Variants in ALDH3A2 observed in about 807,000 individuals in gnomAD.
The protein encoded by ALDH3A2 is aldehyde dehydrogenase family 3 member A2.
In ALDH3A2, 36 loss-of-function variants were observed where a neutral mutation model predicts 51.3. That is an observed-to-expected ratio of 0.70 (90% confidence interval 0.54 to 0.93). The LOEUF (loss-of-function observed/expected upper bound fraction) is 0.93. ALDH3A2 is among the 40% of genes least tolerant of loss of function. ALDH3A2 has a pLI of 0.00. For missense variants in ALDH3A2, 552 were observed against 603.1 expected, an observed-to-expected ratio of 0.92 and a Z score of 0.89; for synonymous variants, 199 against 219.8, an observed-to-expected ratio of 0.91 and a Z score of 0.84.
At chr17:19,651,879 T>G (rs986108139) in intron 2 of ALDH3A2, 101 bp downstream of exon 2, 2 of 1,116,470 alleles carry the variant, frequency 1.8e-6, no homozygotes, top group Admixed American at 3.6e-5. Context: ...ATTTACTTGG[T>G]GATTTGCCTT....
intron 8 of ALDH3A2, 137 bp downstream of exon 8, chr17:19,665,184 C>A: frequency 1.3e-6 from 1 of 778,330 alleles, no homozygotes; most frequent in South Asian, 1.5e-5. Flanking sequence ...TTTTCCTGGT[C>A]ACCCAGTTGA....
At chr17:19,659,165 A>G (rs1247752793) in intron 5 of ALDH3A2, among the ~76,000 whole-genome samples, 3 of 152,064 alleles carry the variant, frequency 2.0e-5, no homozygotes, top group Non-Finnish European at 4.4e-5. Flanking sequence ...CGGGAGGTGG[A>G]GCTTGCAGTG....
Position 19,677,192 on chromosome 17 carries a change from C to T in ALDH3A2, c.*1620C>T, listed in dbSNP as rs1220540007. 2 of 152,242 alleles carry T rather than the reference C, an allele frequency of 1.3e-5. No individual in the cohort carries two copies. Among genetic ancestry groups the T allele is most frequent in the Non-Finnish European group, 2.9e-5 (2 of 68,044 alleles). 9.4% of individuals were successfully genotyped at this position (152,242 alleles called of 1,614,324 possible). On this transcript the variant is annotated 3_prime_UTR_variant, in exon 10 of 10. Transcript: ENST00000176643. ...TGTCCCCACACTCAAAAAGACTCAG[C>T]TCACTCAATGAGAGAATGTGATTTA... is the stretch of plus-strand genomic sequence containing the variant.
Position 19,649,008 on chromosome 17 carries a change from C to T in ALDH3A2, c.37C>T (p.Leu13=), listed in dbSNP as rs762944599. ...AGTCCGGCGGGTCCGACAGGCGTTCCTGTCCGGCCGGTCGCGACCTCTGCG... is the reference window on the plus strand; with the variant it reads ...AGTCCGGCGGGTCCGACAGGCGTTCTTGTCCGGCCGGTCGCGACCTCTGCG... ...LEVRRVRQAF[L]SGRSRPLRFR... is the part of the protein sequence containing the mutation. The change falls in exon 1 of 10, where the codon CTG becomes TTG. Residue 13 remains leucine (L), a synonymous_variant. Coordinates refer to ENST00000176643, the MANE Select transcript of ALDH3A2 (RefSeq NM_000382.3). The T allele has an allele frequency of 1.3e-6, 2 of 1,584,514 alleles. No individual in the cohort carries two copies. The highest frequency in any genetic ancestry group is 1.7e-6 in the Non-Finnish European group (2 of 1,165,972).
At chr17:19,673,279 G>A (rs2085143217) in intron 9 of ALDH3A2, 1 of 1,613,652 alleles carries the variant, frequency 6.2e-7, no homozygotes, top group Non-Finnish European at 8.5e-7. Flanking sequence ...GAGTGAGGTA[G>A]GAACTTTTTG....
At position 19,649,084 on chromosome 17, in the gene ALDH3A2, A is replaced by G; in HGVS notation, c.113A>G (p.Glu38Gly). 2 of 1,583,466 alleles carry G rather than the reference A, an allele frequency of 1.3e-6. No homozygotes were observed. The highest frequency in any genetic ancestry group is 1.7e-6 in the Non-Finnish European group (2 of 1,165,434). Reference protein sequence around the residue: ...EALRRMVQEREKDILTAIAAD... With the variant: ...EALRRMVQERGKDILTAIAAD... Reference sequence around the variant, plus strand: ...CTGCGGAGGATGGTGCAGGAGCGCGAGAAGGATATCCTGACGGCCATCGCC... The same window carrying G: ...CTGCGGAGGATGGTGCAGGAGCGCGGGAAGGATATCCTGACGGCCATCGCC... Residue 38 changes from glutamate (E) to glycine (G), a missense_variant, in exon 1 of 10, where the codon GAG (glutamate) becomes GGG (glycine). By Grantham distance (98) the Glu-to-Gly change is moderately conservative (BLOSUM62 -2). Coordinates refer to ENST00000176643, the MANE Select transcript of ALDH3A2 (RefSeq NM_000382.3).
At chr17:19,657,198 G>T (rs2084908541) in intron 4 of ALDH3A2, among the ~76,000 whole-genome samples, 1 of 152,194 alleles carries the variant, frequency 6.6e-6, no homozygotes, top group African/African-American at 2.4e-5. Context: ...AAATCCATTT[G>T]TCAAAACCAG....
chr17:19,648,755 C>T lies in ALDH3A2; in HGVS notation c.-217C>T, dbSNP rs1489821271. On this transcript the variant is annotated 5_prime_UTR_variant, in exon 1 of 10. Transcript: ENST00000176643. ...GTGAGGCTTTGGGTCGAGCTCAGTC[C>T]TCCCCCGGCGCCTCCGACTGGCAGT... 10 of 638,168 alleles carry T rather than the reference C, an allele frequency of 1.6e-5. No individual in the cohort carries two copies. Among genetic ancestry groups the T allele is most frequent in the South Asian group, 1.5e-4 (8 of 52,554 alleles). The allele number at this position is 638,168 out of a possible 1,614,324, so 39.5% of individuals were successfully genotyped here.
At chr17:19,660,821 G>T (rs1164918704) in intron 5 of ALDH3A2, among the ~76,000 whole-genome samples, 1 of 152,210 alleles carries the variant, frequency 6.6e-6, no homozygotes. Context: ...TCCCCAGCCT[G>T]CTCCCACTGT....
Position 19,656,405 on chromosome 17 carries a change from A to G in ALDH3A2, c.511A>G (p.Thr171Ala), listed in dbSNP as rs1214487549. 4.3e-6 allele frequency: 7 copies of G among 1,614,190 alleles called. No homozygotes were observed. Among genetic ancestry groups the G allele is most frequent in the Non-Finnish European group, 5.9e-6 (7 of 1,180,022 alleles). The change falls in exon 4 of 10, where the codon ACG becomes GCG. Residue 171 changes from threonine (T) to alanine (A), a missense_variant. Physicochemically the swap from Thr to Ala is moderately conservative, Grantham distance 58 (BLOSUM62 0). Coordinates refer to ENST00000176643, the MANE Select transcript of ALDH3A2 (RefSeq NM_000382.3). ...IVINGGVEET[T>A]ELLKQRFDHI... is the part of the protein sequence containing the mutation. ...TATTAATGGTGGTGTTGAGGAAACC[A>G]CGGAGCTCCTGAAGCAGCGATTTGA... is the stretch of plus-strand genomic sequence containing the variant.
intron 6 of ALDH3A2, among the ~76,000 whole-genome samples, chr17:19,663,058 C>T (rs1342059402): frequency 6.6e-6 from 1 of 152,124 alleles, no homozygotes; most frequent in Non-Finnish European, 1.5e-5. Flanking sequence ...CAGTTAAATA[C>T]ATGCATGGCT....
chr17:19,669,966 A>G (rs1301900993), intron 8 of ALDH3A2, among the ~76,000 whole-genome samples: 2 of 152,182 alleles, frequency 1.3e-5, no homozygotes, highest in Non-Finnish European at 2.9e-5. Context: ...GAGACAGACA[A>G]CTAATAAGTA....
intron 3 of ALDH3A2, among the ~76,000 whole-genome samples, chr17:19,653,698 C>G (rs1287363488): frequency 6.6e-6 from 1 of 152,152 alleles, no homozygotes; most frequent in Admixed American, 6.5e-5. Flanking sequence ...AGTGCGGACC[C>G]AGAGTGAGCA....
chr17:19,673,127 T>G (rs1460957364), intron 9 of ALDH3A2: 1 of 1,614,130 alleles, frequency 6.2e-7, no homozygotes, highest in Admixed American at 1.7e-5. Flanking sequence ...CCAGTTGCAT[T>G]TGAAATCATT....
rs964170732 is a variant in ALDH3A2, at chr17:19,648,863, AC to A, written c.-103del. The A allele has an allele frequency of 1.2e-5, 17 of 1,388,654 alleles. No homozygotes were observed. Among genetic ancestry groups the A allele is most frequent in the Non-Finnish European group, 1.7e-5 (17 of 1,019,098 alleles). 86.0% of individuals were successfully genotyped at this position (1,388,654 alleles called of 1,614,324 possible). On this transcript the variant is annotated 5_prime_UTR_variant, in exon 1 of 10. Coordinates refer to ENST00000176643, the MANE Select transcript of ALDH3A2 (RefSeq NM_000382.3). ...GTGGCTGTGGGTTGACGGTGGAGAC[AC>A]CCCCCGGAGGGAGGCGGAGGGAAGG... is the stretch of plus-strand genomic sequence containing the variant.
At position 19,656,578 on chromosome 17, in the gene ALDH3A2, AG is replaced by A; in HGVS notation, c.680+5del. Reference sequence around the variant, plus strand: ...GTGACCTGGACATTGTTTGCAGGTGAGTCTGGCTCTCTGATTTTCTGAGGTT... The same window carrying A: ...GTGACCTGGACATTGTTTGCAGGTGATCTGGCTCTCTGATTTTCTGAGGTT... On this transcript the variant is annotated splice_donor_5th_base_variant and intron_variant, in intron 4 of 9. Transcript: ENST00000176643. 1.2e-6 allele frequency: 2 copies of A among 1,607,720 alleles called. No individual in the cohort carries two copies. Among genetic ancestry groups the A allele is most frequent in the Non-Finnish European group, 1.7e-6 (2 of 1,176,412 alleles).
At position 19,661,670 on chromosome 17, in the gene ALDH3A2, T is replaced by G. The variant is rs546863636; in HGVS notation, c.940+402T>G. ...GAAATAATGTTTTGGTCCATCATGC[T>G]TGACCTTATTATTTGTGTACCTTCT... On this transcript the variant is annotated intron_variant, in intron 6 of 9. Coordinates refer to ENST00000176643, the MANE Select transcript of ALDH3A2 (RefSeq NM_000382.3). Among the ~76,000 whole-genome samples the G allele has an allele frequency of 3.1e-4, 47 of 152,362 alleles. 1 individual carries two copies. In the South Asian group the frequency reaches 9.5e-3, roughly 31 times the overall value.
At chr17:19,673,055 C>A (rs1597574667) in intron 9 of ALDH3A2, 2 of 1,539,430 alleles carry the variant, frequency 1.3e-6, no homozygotes, top group East Asian at 2.3e-5. Context: ...ACAACAACAA[C>A]AAAAATTTGA....
intron 8 of ALDH3A2, among the ~76,000 whole-genome samples, chr17:19,665,969 G>A (rs2085031492): frequency 6.6e-6 from 1 of 152,128 alleles, no homozygotes; most frequent in African/African-American, 2.4e-5. Flanking sequence ...TGACCAAGGA[G>A]CCTTGACCTA....
Sources: gnomAD v4.1 joint callset for allele counts (sites outside exome capture counted in the v4.1 genomes callset) on GRCh38, gnomAD v4.1.1 for gene constraint, MANE v1.5 for transcripts, NCBI Gene and HGNC (gene_info 2026-07-23, HGNC 2026-07-21) for gene names.